Variants in MDGA2 observed in about 807,000 individuals in gnomAD.
MDGA2 encodes MAM domain containing glycosylphosphatidylinositol anchor 2.
In MDGA2, 40 loss-of-function variants were observed where a neutral mutation model predicts 117.8. The observed-to-expected ratio is 0.34, with a 90% CI of 0.26 to 0.44. MDGA2 has a LOEUF of 0.44. MDGA2 is among the 20% of genes least tolerant of loss of function. The pLI, the probability that MDGA2 is intolerant of heterozygous loss-of-function variation, is 1.00. For synonymous variants in MDGA2, 452 were observed against 439.0 expected (o/e 1.03, Z -0.37); for missense variants, 1,123 against 1,250.6 (o/e 0.90, Z 1.54).
intron 14 of MDGA2, among the ~76,000 whole-genome samples, chr14:46,856,405 A>G (rs1881270875): frequency 6.6e-6 from 1 of 152,142 alleles, no homozygotes; most frequent in African/African-American, 2.4e-5. Flanking sequence ...TTCAAGATAC[A>G]GAACATTTCC....
intron 8 of MDGA2, among the ~76,000 whole-genome samples, chr14:47,016,940 A>AT (rs1888104893): frequency 7.1e-6 from 1 of 140,666 alleles, no homozygotes; most frequent in African/African-American, 2.6e-5. Context: ...AGTCATTTTT[A>AT]TTATTTTTTT....
At chr14:47,384,340 A>G (rs2138424300) in intron 1 of MDGA2, among the ~76,000 whole-genome samples, 1 of 151,132 alleles carries the variant, frequency 6.6e-6, no homozygotes, top group South Asian at 2.1e-4. Flanking sequence ...TCTGCATACT[A>G]TACAACCTCA....
rs900320513 is a variant in MDGA2, at chr14:46,840,805, G to A, written c.*1126C>T. 1.3e-5 allele frequency: 2 copies of A among 152,494 alleles called. No individual in the cohort carries two copies. Among genetic ancestry groups the A allele is most frequent in the Non-Finnish European group, 2.9e-5 (2 of 68,016 alleles). The allele number at this position is 152,494 out of a possible 1,614,324, so 9.4% of individuals were successfully genotyped here. Reference sequence around the variant, plus strand: ...AGTATTCTTAATAACCTTTTGCTCTGGTTGACCCATTTAATAACCTGGAAG... The same window carrying A: ...AGTATTCTTAATAACCTTTTGCTCTAGTTGACCCATTTAATAACCTGGAAG... On this transcript the variant is annotated 3_prime_UTR_variant, in exon 17 of 17. Transcript: ENST00000399232.
At chr14:47,479,591 CA>C (rs1893910895) in intron 1 of MDGA2, among the ~76,000 whole-genome samples, 1 of 152,114 alleles carries the variant, frequency 6.6e-6, no homozygotes. Flanking sequence ...GTAAACTGTG[CA>C]ATCTAATGAA....
intron 1 of MDGA2, among the ~76,000 whole-genome samples, chr14:47,437,033 T>C (rs2138538956): frequency 6.6e-6 from 1 of 152,294 alleles, no homozygotes; most frequent in Middle Eastern, 3.4e-3. Flanking sequence ...AAAAAGCTAC[T>C]TAAAGAGCAG....
In MDGA2 at chr14:47,397,321, G is replaced by A. The variant is rs535618681; in HGVS notation, c.281-95771C>T. 2.0e-5 allele frequency among the ~76,000 whole-genome samples: 3 copies of A among 152,182 alleles called. No homozygotes were observed. In the South Asian group the frequency reaches 6.2e-4, roughly 32 times the overall value. On this transcript the variant is annotated intron_variant, in intron 1 of 16. Coordinates refer to ENST00000399232, the MANE Select transcript of MDGA2 (RefSeq NM_001113498.3). ...CAGGGAGGGTAACAAGACACACTGG[G>A]GCCTGTCGGAGGGTGGGGACTAGGG...
At chr14:47,258,402 A>C (rs1887691223) in intron 2 of MDGA2, among the ~76,000 whole-genome samples, 1 of 152,042 alleles carries the variant, frequency 6.6e-6, no homozygotes, top group African/African-American at 2.4e-5. Flanking sequence ...GAAGAGAGTG[A>C]AGGGGGAGAT....
intron 5 of MDGA2, among the ~76,000 whole-genome samples, chr14:47,130,455 A>G (rs1171964157): frequency 3.3e-5 from 5 of 152,180 alleles, no homozygotes; most frequent in Non-Finnish European, 7.4e-5. Context: ...GAGGGTCCCA[A>G]TAAGTTTCTG....
At chr14:47,405,692 G>T (rs994419708) in intron 1 of MDGA2, among the ~76,000 whole-genome samples, 4 of 152,078 alleles carry the variant, frequency 2.6e-5, no homozygotes, top group African/African-American at 9.7e-5. Context: ...TTCAGAATCT[G>T]TGCCTTTGTC....
chr14:46,900,732 C>T (rs570630070), intron 10 of MDGA2, among the ~76,000 whole-genome samples: 7 of 152,154 alleles, frequency 4.6e-5, no homozygotes, highest in Non-Finnish European at 8.8e-5. Context: ...AGGGAGTCTA[C>T]GGTGATGATA....
At chr14:47,351,586 T>C (rs1344408867) in intron 1 of MDGA2, among the ~76,000 whole-genome samples, 1 of 152,204 alleles carries the variant, frequency 6.6e-6, no homozygotes, top group Non-Finnish European at 1.5e-5. Flanking sequence ...ATCGTCTATC[T>C]GGACTCTTAG....
intron 3 of MDGA2, among the ~76,000 whole-genome samples, chr14:47,189,578 A>G (rs576031953): frequency 6.6e-6 from 1 of 152,198 alleles, no homozygotes; most frequent in East Asian, 1.9e-4. Flanking sequence ...CCTCCCCATC[A>G]CCTTTTAAAC....
At chr14:47,256,357 C>T (rs990881960) in intron 2 of MDGA2, among the ~76,000 whole-genome samples, 5 of 152,110 alleles carry the variant, frequency 3.3e-5, no homozygotes, top group Admixed American at 3.3e-4. Context: ...CCGTCACTTT[C>T]CTTCCACTCC....
intron 3 of MDGA2, among the ~76,000 whole-genome samples, chr14:47,166,052 T>TTTG (rs1883860843): frequency 6.6e-6 from 1 of 150,678 alleles, no homozygotes; most frequent in Non-Finnish European, 1.5e-5. Flanking sequence ...TTTTTTTTTT[T>TTTG]TTAGACAGAG....
chr14:46,935,615 T>C (rs988316706), intron 9 of MDGA2, among the ~76,000 whole-genome samples: 2 of 152,174 alleles, frequency 1.3e-5, no homozygotes. Flanking sequence ...ATTTCTCACA[T>C]GTAATCACAA....
At chr14:46,919,766 G>T (rs1884052416) in intron 10 of MDGA2, among the ~76,000 whole-genome samples, 1 of 152,128 alleles carries the variant, frequency 6.6e-6, no homozygotes, top group African/African-American at 2.4e-5. Flanking sequence ...CTCAAAGGCT[G>T]TCACTTTAGT....
intron 1 of MDGA2, among the ~76,000 whole-genome samples, chr14:47,435,470 C>T (rs1180780937): frequency 1.3e-5 from 2 of 152,106 alleles, no homozygotes; most frequent in African/African-American, 4.8e-5. Context: ...AGCAGCATGT[C>T]TGAGCATAAC....
chr14:47,142,486 T>C (rs1316308323), intron 4 of MDGA2, among the ~76,000 whole-genome samples: 1 of 151,688 alleles, frequency 6.6e-6, no homozygotes, highest in Non-Finnish European at 1.5e-5. Context: ...CAAAAAGAAA[T>C]AGCCATATAG....
chr14:46,965,889 T>C (rs1240364311), intron 8 of MDGA2, among the ~76,000 whole-genome samples: 1 of 152,174 alleles, frequency 6.6e-6, no homozygotes, highest in South Asian at 2.1e-4. Flanking sequence ...AGGAATATTA[T>C]GAGAAAAATC....
Sources: allele counts gnomAD v4.1 joint callset (sites outside exome capture counted in the v4.1 genomes callset), GRCh38; gene constraint gnomAD v4.1.1; transcripts MANE v1.5; gene names NCBI Gene and HGNC (gene_info 2026-07-23, HGNC 2026-07-21).